ZEB2: variants seen among roughly 807,000 people sequenced by gnomAD.
The protein encoded by ZEB2 is zinc finger E-box-binding homeobox 2.
A neutral mutation model predicts 99.9 loss-of-function variants in ZEB2; 6 were observed. The ratio of observed to expected loss-of-function variants is 0.06; its 90% CI spans 0.03 to 0.12. The LOEUF is 0.12. Ranked by LOEUF, ZEB2 falls within the 10% of genes least tolerant of loss-of-function variation. The pLI, the probability that ZEB2 is intolerant of heterozygous loss-of-function variation, is 1.00. For synonymous variants in ZEB2, 517 were observed against 542.5 expected (o/e 0.95, Z 0.65); for missense variants, 969 against 1,502.8 (o/e 0.64, Z 5.87).
intron 5 of ZEB2, 59 bp from the exon 6 acceptor site, chr2:144,404,189 A>G: frequency 1.3e-6 from 2 of 1,584,050 alleles, no homozygotes; most frequent in Non-Finnish European, 1.7e-6. Context: ...AATCAATGGC[A>G]GCTAATGGGC....
intron 4 of ZEB2, among the ~76,000 whole-genome samples, chr2:144,418,713 A>C (rs986635909): frequency 9.2e-5 from 14 of 152,084 alleles, no homozygotes; most frequent in East Asian, 1.9e-4. Context: ...AAACAAAAAA[A>C]AAAAAAAACT....
chr2:144,432,370 A>G (rs1365701546), intron 2 of ZEB2, among the ~76,000 whole-genome samples: 15 of 152,166 alleles, frequency 9.9e-5, no homozygotes, highest in Non-Finnish European at 2.1e-4. Context: ...CGCTGTGTTA[A>G]CTAGGATATG....
intron 3 of ZEB2, chr2:144,429,526 G>A: frequency 1.8e-6 from 1 of 563,482 alleles, no homozygotes; most frequent in Non-Finnish European, 3.1e-6. Flanking sequence ...TGTTGAAAGT[G>A]TGGTTCATGT....
chr2:144,434,325 G>A (rs2149893118), intron 2 of ZEB2, among the ~76,000 whole-genome samples: 1 of 152,272 alleles, frequency 6.6e-6, no homozygotes, highest in South Asian at 2.1e-4. Context: ...CCAGAAGATA[G>A]AAGGAAGTGC....
chr2:144,510,598 G>A (rs955614061), intron 2 of ZEB2, among the ~76,000 whole-genome samples: 3 of 152,092 alleles, frequency 2.0e-5, no homozygotes, highest in African/African-American at 7.2e-5. Flanking sequence ...GGGCCTGGTG[G>A]AGCATCAGCT....
intron 2 of ZEB2, among the ~76,000 whole-genome samples, chr2:144,451,820 T>C (rs761442923): frequency 2.1e-4 from 32 of 152,260 alleles, no homozygotes; most frequent in Non-Finnish European, 3.7e-4. Flanking sequence ...GGTTTTCTAT[T>C]TGTCCATATG....
chr2:144,469,917 C>T (rs2149908704), intron 2 of ZEB2, among the ~76,000 whole-genome samples: 1 of 152,288 alleles, frequency 6.6e-6, no homozygotes, highest in East Asian at 1.9e-4. Context: ...CTCTAAGAAG[C>T]TCCTGTGTGA....
intron 2 of ZEB2, among the ~76,000 whole-genome samples, chr2:144,474,411 T>C (rs1447922493): frequency 6.6e-6 from 1 of 152,222 alleles, no homozygotes; most frequent in Non-Finnish European, 1.5e-5. Context: ...CTAATGACCA[T>C]TGCCCAAGTT....
chr2:144,426,700 C>A (rs565822094), intron 3 of ZEB2: 1 of 152,060 alleles, frequency 6.6e-6, no homozygotes, highest in Admixed American at 6.6e-5. Flanking sequence ...AGTTATAACC[C>A]TTTTTATCCA....
chr2:144,498,045 T>TTA lies in ZEB2; in HGVS notation c.73+19231_73+19232dup, dbSNP rs1553969561. On this transcript the variant is annotated intron_variant, in intron 2 of 9. Transcript: ENST00000627532. Reference sequence around the variant, plus strand: ...ATATATTATATAATATATATTAATATTATATATTATATAATATATATTAAT... The same window carrying TTA: ...ATATATTATATAATATATATTAATATTATATATATTATATAATATATATTAAT... 9.6e-5 allele frequency among the ~76,000 whole-genome samples: 2 copies of TTA among 20,768 alleles called. 1 individual carries two copies. The highest frequency in any genetic ancestry group is 2.3e-4 in the Non-Finnish European group (2 of 8,834). 13.6% of individuals were successfully genotyped at this position (20,768 alleles called of 152,430 possible).
Position 144,389,384 on chromosome 2 carries a change from C to G in ZEB2, c.*67G>C. The G allele has an allele frequency of 7.1e-6, 11 of 1,554,254 alleles. No individual in the cohort carries two copies. Among genetic ancestry groups the G allele is most frequent in the Non-Finnish European group, 9.8e-6 (11 of 1,126,496 alleles). ...CACGTGCATGAACAGCTTAACACAG[C>G]AGTGTTTTCAAGCAGGTAACAATAC... is the stretch of plus-strand genomic sequence containing the variant. On this transcript the variant is annotated 3_prime_UTR_variant, in exon 10 of 10. Coordinates refer to ENST00000627532, the MANE Select transcript of ZEB2 (RefSeq NM_014795.4). This position sits in a 1 kb window ranked among gnomAD's most constrained non-coding sequence, Gnocchi z 6.8.
chr2:144,412,776 T>G (rs1306001834), intron 4 of ZEB2, among the ~76,000 whole-genome samples: 1 of 152,358 alleles, frequency 6.6e-6, no homozygotes, highest in East Asian at 1.9e-4. Flanking sequence ...ATAGACTTCC[T>G]TCTTCACTTA....
Position 144,424,783 on chromosome 2 carries a change from C to CA in ZEB2, c.403+12dup. 1 of 1,613,988 alleles carries CA rather than the reference C, an allele frequency of 6.2e-7. No homozygotes were observed. Among genetic ancestry groups the CA allele is most frequent in the Non-Finnish European group, 8.5e-7 (1 of 1,179,902 alleles). The stretch of plus-strand genomic sequence containing the variant: ...AGGACAAATGTGATCTGAGCGTGGC[C>CA]AACATAACTCACCTGTACCATTGTT... On this transcript the variant is annotated intron_variant, in intron 4 of 9. Transcript: ENST00000627532.
chr2:144,508,965 T>A (rs1451145366), intron 2 of ZEB2, among the ~76,000 whole-genome samples: 1 of 152,166 alleles, frequency 6.6e-6, no homozygotes, highest in African/African-American at 2.4e-5. Flanking sequence ...TCCTTTTTTC[T>A]ATCTTTTTTT....
At chr2:144,516,774 C>T (rs1705153828) in intron 2 of ZEB2, 1 of 151,948 alleles carries the variant, frequency 6.6e-6, no homozygotes, top group Non-Finnish European at 1.5e-5. Flanking sequence ...CCGGGCGACT[C>T]CGGCAAGAAA....
Position 144,386,020 on chromosome 2 carries a change from G to C in ZEB2, c.*3431C>G, listed in dbSNP as rs1049596626. On this transcript the variant is annotated 3_prime_UTR_variant, in exon 10 of 10. Coordinates refer to ENST00000627532, the MANE Select transcript of ZEB2 (RefSeq NM_014795.4). ...CGCATCTCTCTTCCCAGTTATTTCA[G>C]GCCTAAGCTTACAGTGTCATGTGAA... The C allele has an allele frequency of 1.3e-5, 2 of 152,114 alleles. No homozygotes were observed. Among genetic ancestry groups the C allele is most frequent in the Admixed American group, 6.6e-5 (1 of 15,266 alleles). 9.4% of individuals were successfully genotyped at this position (152,114 alleles called of 1,614,324 possible).
intron 2 of ZEB2, chr2:144,512,884 T>C (rs775857256): frequency 7.8e-7 from 1 of 1,287,198 alleles, no homozygotes; most frequent in South Asian, 1.2e-5. Flanking sequence ...TCAGAACTGG[T>C]ACCTGCCACA....
At chr2:144,463,832 CAAAA>C (rs1238419403) in intron 2 of ZEB2, 3 of 118,140 alleles carry the variant, frequency 2.5e-5, no homozygotes, top group African/African-American at 1.1e-4. Flanking sequence ...GACCCTGTCT[CAAAA>C]AACAAAAAAC....
chr2:144,517,209 C>T (rs1705168313), intron 2 of ZEB2, 69 bp downstream of exon 2: 3 of 1,597,086 alleles, frequency 1.9e-6, no homozygotes, highest in East Asian at 2.2e-5. Flanking sequence ...TTTTCCCTTT[C>T]CCCCTCCTTC....
Sources: allele counts gnomAD v4.1 joint callset (sites outside exome capture counted in the v4.1 genomes callset), GRCh38; gene constraint gnomAD v4.1.1; non-coding constraint Gnocchi (gnomAD v3.1); transcripts MANE v1.5; gene names NCBI Gene and HGNC (gene_info 2026-07-23, HGNC 2026-07-21).